The following TBC1D32 variants were observed in gnomAD, a reference collection of about 807,000 sequenced individuals.
TBC1D32 encodes the protein protein broad-minded.
In TBC1D32, 151 loss-of-function variants were observed where a neutral mutation model predicts 170.3. The observed-to-expected ratio is 0.89, with a 90% CI of 0.78 to 1.01. The LOEUF is 1.01. Ranked by LOEUF, TBC1D32 falls within the 50% of genes least tolerant of loss-of-function variation. The pLI is 0.00. For missense variants in TBC1D32, 1,464 were observed against 1,457.1 expected (o/e 1.00, Z -0.08); for synonymous variants, 498 against 488.0 (o/e 1.02, Z -0.27).
chr6:121,190,374 C>A (rs1358600973), intron 22 of TBC1D32, among the ~76,000 whole-genome samples: 3 of 148,528 alleles, frequency 2.0e-5, no homozygotes, highest in South Asian at 2.2e-4. Context: ...TCCTTCCCAC[C>A]TCTCCTCTGC....
At chr6:121,230,880 C>T (rs1795653441) in intron 20 of TBC1D32, among the ~76,000 whole-genome samples, 1 of 151,968 alleles carries the variant, frequency 6.6e-6, no homozygotes, top group African/African-American at 2.4e-5. Context: ...GACTCTGGTG[C>T]ACCCATCACC....
At chr6:121,086,648 G>C (rs1298975293) in intron 31 of TBC1D32, among the ~76,000 whole-genome samples, 1 of 152,088 alleles carries the variant, frequency 6.6e-6, no homozygotes, top group African/African-American at 2.4e-5. Context: ...TTTTAATTAA[G>C]TATTTTAAGG....
chr6:121,198,263 A>G (rs910243218), intron 22 of TBC1D32, among the ~76,000 whole-genome samples: 2 of 142,408 alleles, frequency 1.4e-5, no homozygotes, highest in African/African-American at 2.6e-5. Flanking sequence ...TATATATAAT[A>G]TATATATATA....
chr6:121,330,611 G>A (rs1811089223), intron 1 of TBC1D32, among the ~76,000 whole-genome samples: 1 of 152,132 alleles, frequency 6.6e-6, no homozygotes, highest in South Asian at 2.1e-4. Context: ...TAATTCTGAG[G>A]TCTCAACTCT....
rs563616799 is a variant in TBC1D32 at position 121,223,664 on chromosome 6, C to T, written c.2365-312G>A. On this transcript the variant is annotated intron_variant, in intron 20 of 31. Transcript: ENST00000398212. The stretch of plus-strand genomic sequence containing the variant: ...AATTCAATAATCCATCTTTCTCATT[C>T]TTTGCACTTTCATATCCAATATGTA... Among the ~76,000 whole-genome samples the T allele has an allele frequency of 9.2e-5, 14 of 152,202 alleles. 1 individual carries two copies. In the South Asian group the frequency reaches 2.5e-3, roughly 27 times the overall value.
intron 22 of TBC1D32, among the ~76,000 whole-genome samples, chr6:121,200,518 G>C (rs976788017): frequency 3.3e-5 from 5 of 151,602 alleles, no homozygotes; most frequent in African/African-American, 1.2e-4. Flanking sequence ...AGTATCAAAA[G>C]TTTCCAGGCA....
At chr6:121,088,589 T>G (rs1451387807) in intron 31 of TBC1D32, among the ~76,000 whole-genome samples, 8 of 152,096 alleles carry the variant, frequency 5.3e-5, no homozygotes, top group Non-Finnish European at 8.8e-5. Context: ...AGAGTTTATC[T>G]CACAAGAAAA....
intron 22 of TBC1D32, 25 bp from the exon 23 acceptor site, chr6:121,161,081 T>G: frequency 1.3e-6 from 2 of 1,533,906 alleles, no homozygotes; most frequent in East Asian, 2.3e-5. Context: ...ATATCACCTT[T>G]GTCATCCTTT....
chr6:121,105,506 C>T (rs544437447), intron 30 of TBC1D32, among the ~76,000 whole-genome samples: 2 of 151,962 alleles, frequency 1.3e-5, no homozygotes, highest in Admixed American at 1.3e-4. Context: ...CCTCCACCAA[C>T]GAAGGACTGG....
chr6:121,105,214 G>T (rs1225937191), intron 30 of TBC1D32, among the ~76,000 whole-genome samples: 1 of 151,516 alleles, frequency 6.6e-6, no homozygotes, highest in Non-Finnish European at 1.5e-5. Context: ...TTTTAAAAGG[G>T]TAACAATTTT....
rs1051968341 is a variant in TBC1D32, at chr6:121,334,350, G to C, written c.81C>G (p.Ile27Met). 2.5e-5 allele frequency: 40 copies of C among 1,614,072 alleles called. No homozygotes were observed. Among genetic ancestry groups the C allele is most frequent in the Non-Finnish European group, 3.2e-5 (38 of 1,180,030 alleles). Residue 27 changes from isoleucine to methionine, a missense_variant, in exon 1 of 32, where the codon ATC becomes ATG. By Grantham distance (10) the Ile-to-Met change is conservative. Around this residue, in one of 3 missense-constraint regions of TBC1D32, gnomAD observed 1,363 missense variants for 1,338.1 expected, o/e 1.02. Transcript: ENST00000398212. ...CACACTCCAGGGAAGGGGCACCCGTGATTTTCTCCTTCACGCTCTGGAACA... is the reference window on the plus strand; with the variant it reads ...CACACTCCAGGGAAGGGGCACCCGTCATTTTCTCCTTCACGCTCTGGAACA... Reference protein sequence around the residue: ...RRLFQSVKEKITGAPSLECAE... With the variant: ...RRLFQSVKEKMTGAPSLECAE...
chr6:121,278,545 T>C (rs972361538), intron 15 of TBC1D32, among the ~76,000 whole-genome samples: 3 of 152,162 alleles, frequency 2.0e-5, no homozygotes, highest in Admixed American at 1.3e-4. Flanking sequence ...TGATGTTCAC[T>C]AAGAGGGAAA....
At chr6:121,265,509 C>T (rs1215590981) in intron 15 of TBC1D32, among the ~76,000 whole-genome samples, 1 of 151,654 alleles carries the variant, frequency 6.6e-6, no homozygotes, top group East Asian at 1.9e-4. Context: ...AGATTCAATG[C>T]TATTCCCATC....
At chr6:121,307,785 C>G (rs1027860051) in intron 5 of TBC1D32, among the ~76,000 whole-genome samples, 191 bp downstream of exon 5, 1 of 152,080 alleles carries the variant, frequency 6.6e-6, no homozygotes, top group African/African-American at 2.4e-5. Flanking sequence ...CTACTTGAAC[C>G]TGGGAGGCAG....
chr6:121,255,469 T>TCAGTGGACAAC, intron 16 of TBC1D32, 59 bp from the exon 17 acceptor site: 1 of 392,980 alleles, frequency 2.5e-6, no homozygotes. Flanking sequence ...TATATTTATA[T>TCAGTGGACAAC]TTTATAATTA....
intron 31 of TBC1D32, among the ~76,000 whole-genome samples, chr6:121,088,755 A>G (rs1226651740): frequency 6.6e-6 from 1 of 152,220 alleles, no homozygotes; most frequent in African/African-American, 2.4e-5. Flanking sequence ...GGTTAGTTCT[A>G]GGACACACGC....
intron 30 of TBC1D32, among the ~76,000 whole-genome samples, chr6:121,098,924 T>A (rs1457400301): frequency 6.6e-6 from 1 of 151,978 alleles, no homozygotes; most frequent in Non-Finnish European, 1.5e-5. Context: ...GACATACACA[T>A]TTATAAAGAC....
intron 1 of TBC1D32, among the ~76,000 whole-genome samples, chr6:121,325,846 A>G (rs1280460061): frequency 6.6e-6 from 1 of 152,184 alleles, no homozygotes; most frequent in Non-Finnish European, 1.5e-5. Context: ...CAACCTACAG[A>G]ATGGGAGAAA....
At chr6:121,176,736 T>G (rs1787811301) in intron 22 of TBC1D32, among the ~76,000 whole-genome samples, 1 of 152,028 alleles carries the variant, frequency 6.6e-6, no homozygotes, top group Non-Finnish European at 1.5e-5. Context: ...GTAGCTGGAA[T>G]TACAGGCACG....
Sources: gnomAD v4.1 joint callset for allele counts (sites outside exome capture counted in the v4.1 genomes callset) on GRCh38, gnomAD v4.1.1 for gene constraint, gnomAD v4.1.1 regional missense constraint, MANE v1.5 for transcripts, NCBI Gene and HGNC (gene_info 2026-07-23, HGNC 2026-07-21) for gene names.